GALNT2: variants seen among roughly 807,000 people sequenced by gnomAD.
The protein encoded by GALNT2 is UDP-GalNAc:polypeptide N-acetylgalactosaminyltransferase 2.
GALNT2 carries 31 observed loss-of-function variants against 81.4 expected under a neutral mutation model. That is an observed-to-expected ratio of 0.38 (90% CI 0.29 to 0.51). The LOEUF (loss-of-function observed/expected upper bound fraction) is 0.51, where lower values mean the gene tolerates loss of function less well. Among genes scored for constraint, GALNT2 ranks in the 20% least tolerant of loss-of-function variants. The pLI is 0.87. For missense variants in GALNT2, 629 were observed against 765.7 expected (o/e 0.82, Z 2.11); for synonymous variants, 303 against 287.4 (o/e 1.05, Z -0.55).
Position 230,247,454 on chromosome 1 carries a change from C to T in GALNT2, c.817+1304C>T, listed in dbSNP as rs555552378. On this transcript the variant is annotated intron_variant, in intron 8 of 15. Transcript: ENST00000366672. Reference sequence around the variant, plus strand: ...AGGGCATAATGGAATTAGACATCAGCGGGAGGGCGGGCATGCTTGGAGGAC... The same window carrying T: ...AGGGCATAATGGAATTAGACATCAGTGGGAGGGCGGGCATGCTTGGAGGAC... Among the ~76,000 whole-genome samples the T allele has an allele frequency of 3.4e-3, 511 of 152,100 alleles. 3 individuals are homozygous for T. Among genetic ancestry groups the T allele is most frequent in the African/African-American group, 0.012 (492 of 41,478 alleles).
chr1:230,176,942 G>A (rs1477685018), intron 1 of GALNT2, among the ~76,000 whole-genome samples: 2 of 152,174 alleles, frequency 1.3e-5, no homozygotes, highest in Non-Finnish European at 2.9e-5. Context: ...TCACCAGCCC[G>A]CCAAGGCTAC....
intron 1 of GALNT2, among the ~76,000 whole-genome samples, chr1:230,129,338 G>A (rs1301248280): frequency 1.3e-5 from 2 of 152,112 alleles, no homozygotes; most frequent in Non-Finnish European, 1.5e-5. Flanking sequence ...ATTTTTTAGA[G>A]ATGAGATCTT....
At chr1:230,239,665 A>G (rs115981709) in intron 6 of GALNT2, among the ~76,000 whole-genome samples, 3,335 of 152,260 alleles carry the variant, frequency 0.022, 51 homozygotes, top group Non-Finnish European at 0.034. Flanking sequence ...TGGCGTAATC[A>G]TTGGTGTGAC....
upstream of GALNT2, among the ~76,000 whole-genome samples, chr1:230,063,951 T>C (rs1350506898): frequency 6.6e-6 from 1 of 152,232 alleles, no homozygotes; most frequent in Non-Finnish European, 1.5e-5. Context: ...TTGTTTCCTA[T>C]TATAACTACT....
chr1:230,158,140 G>A (rs1161808464), intron 1 of GALNT2, among the ~76,000 whole-genome samples: 1 of 152,154 alleles, frequency 6.6e-6, no homozygotes, highest in Non-Finnish European at 1.5e-5. Context: ...AAAGGGAAAT[G>A]TTTGCATGGG....
intron 1 of GALNT2, among the ~76,000 whole-genome samples, chr1:230,080,149 C>T (rs1159900498): frequency 2.6e-5 from 4 of 152,132 alleles, no homozygotes; most frequent in Non-Finnish European, 5.9e-5. Flanking sequence ...AGTCATTTTC[C>T]TTGTACTGGC....
intron 1 of GALNT2, among the ~76,000 whole-genome samples, chr1:230,170,286 C>T (rs2102856352): frequency 6.6e-6 from 1 of 152,274 alleles, no homozygotes; most frequent in South Asian, 2.1e-4. Flanking sequence ...CTACATGGGG[C>T]ACAAAACATG....
In GALNT2 at chr1:230,239,541, G is replaced by A. The variant is rs75746872; in HGVS notation, c.607+2816G>A. 4.9e-3 allele frequency among the ~76,000 whole-genome samples: 753 copies of A among 152,150 alleles called. 6 individuals carry two copies. Among genetic ancestry groups the A allele is most frequent in the African/African-American group, 0.017 (717 of 41,532 alleles). On this transcript the variant is annotated intron_variant, in intron 6 of 15. Coordinates refer to ENST00000366672, the MANE Select transcript of GALNT2 (RefSeq NM_004481.5). ...CCAGCGTGGAAGAAAGATGTAGGCC[G>A]GGGGAGACCAAGCCAGTCCAGTCTC...
intron 2 of GALNT2, among the ~76,000 whole-genome samples, chr1:230,182,779 T>G (rs1462154033): frequency 6.6e-6 from 1 of 152,202 alleles, no homozygotes; most frequent in Non-Finnish European, 1.5e-5. Context: ...TTCAACTCTG[T>G]CCTTATTGAG....
At chr1:230,211,851 A>T (rs1182835243) in intron 3 of GALNT2, among the ~76,000 whole-genome samples, 2 of 152,208 alleles carry the variant, frequency 1.3e-5, no homozygotes, top group African/African-American at 2.4e-5. Context: ...ATGATGTCGT[A>T]TACCAGTTCC....
intron 1 of GALNT2, among the ~76,000 whole-genome samples, chr1:230,123,634 C>T (rs1232397499): frequency 6.6e-6 from 1 of 152,116 alleles, no homozygotes; most frequent in Non-Finnish European, 1.5e-5. Flanking sequence ...TTGCTTGAGC[C>T]TTTGTGGAAA....
intron 15 of GALNT2, among the ~76,000 whole-genome samples, chr1:230,277,731 T>C (rs1385025097): frequency 6.6e-6 from 1 of 152,328 alleles, no homozygotes; most frequent in South Asian, 2.1e-4. Context: ...ACTGGGCTCC[T>C]CTGCCTGCAC....
intron 1 of GALNT2, among the ~76,000 whole-genome samples, chr1:230,073,611 C>G (rs192632943): frequency 2.6e-5 from 4 of 152,272 alleles, no homozygotes; most frequent in East Asian, 3.9e-4. Flanking sequence ...TCATCAGGGC[C>G]GGATTTGGAG....
rs1649301393 is a variant in GALNT2, at chr1:230,259,792, T to TA, written c.1137-2780dup. On this transcript the variant is annotated intron_variant, in intron 11 of 15. Coordinates refer to ENST00000366672, the MANE Select transcript of GALNT2 (RefSeq NM_004481.5). Reference sequence around the variant, plus strand: ...AAAAGACATTACAAAAGGCCAATCTTACGTTCTGCAATGGTGATGTTATCT... The same window carrying TA: ...AAAAGACATTACAAAAGGCCAATCTTAACGTTCTGCAATGGTGATGTTATCT... 2.0e-5 allele frequency: 3 copies of TA among 152,220 alleles called. 1 individual carries two copies. The highest frequency in any genetic ancestry group is 2.4e-5 in the African/African-American group (1 of 41,448). The allele number at this position is 152,220 out of a possible 1,614,324, so 9.4% of individuals were successfully genotyped here.
chr1:230,128,614 G>T (rs1161946633), intron 1 of GALNT2, among the ~76,000 whole-genome samples: 3 of 147,996 alleles, frequency 2.0e-5, no homozygotes, highest in Non-Finnish European at 4.5e-5. Flanking sequence ...AAGGGTGTGT[G>T]TGTGGCGGGG....
intron 10 of GALNT2, among the ~76,000 whole-genome samples, chr1:230,253,099 C>T (rs761948108): frequency 1.8e-4 from 28 of 152,104 alleles, no homozygotes; most frequent in Non-Finnish European, 3.8e-4. Flanking sequence ...CCGCCTGCCT[C>T]GGCCTCCCAA....
rs139612193 is a variant in GALNT2, at chr1:230,100,666, T to A, written c.126+33260T>A. On this transcript the variant is annotated intron_variant, in intron 1 of 15. Transcript: ENST00000366672. ...TAATCCTGTGAGGCGTATGTAGTGT[T>A]CACCTGATTTTGTAAATGTGTAGGC... Among the ~76,000 whole-genome samples the A allele has an allele frequency of 3.3e-3, 510 of 152,336 alleles. 2 individuals are homozygous for A. Among genetic ancestry groups the A allele is most frequent in the Non-Finnish European group, 5.2e-3 (356 of 68,030 alleles).
intron 14 of GALNT2, among the ~76,000 whole-genome samples, chr1:230,273,527 T>A (rs1255264294): frequency 6.6e-6 from 1 of 152,012 alleles, no homozygotes; most frequent in Non-Finnish European, 1.5e-5. Flanking sequence ...AAATGGAGAG[T>A]GATGGTCAGA....
intron 3 of GALNT2, among the ~76,000 whole-genome samples, chr1:230,221,961 CCTT>C (rs758393884): frequency 8.2e-4 from 124 of 151,454 alleles, no homozygotes; most frequent in Non-Finnish European, 1.3e-3. Context: ...GGTTTCTCCT[CCTT>C]ACTTCTGTCT....
Sources: allele counts gnomAD v4.1 joint callset (sites outside exome capture counted in the v4.1 genomes callset), GRCh38; gene constraint gnomAD v4.1.1; transcripts MANE v1.5; gene names NCBI Gene and HGNC (gene_info 2026-07-23, HGNC 2026-07-21).